Variants in USP24 observed in about 807,000 individuals in gnomAD.
USP24 encodes ubiquitin specific peptidase 24, also known as ubiquitin carboxyl-terminal hydrolase 24.
A neutral mutation model predicts 361.6 loss-of-function variants in USP24; 97 were observed. The ratio of observed to expected loss-of-function variants is 0.27; its 90% CI spans 0.23 to 0.32. USP24 has a LOEUF of 0.32. Ranked by LOEUF, USP24 falls within the 10% of genes least tolerant of loss-of-function variation. The pLI, the probability that USP24 is intolerant of heterozygous loss-of-function variation, is 1.00. For synonymous variants in USP24, 1,098 were observed against 1,124.6 expected (o/e 0.98, Z 0.47); for missense variants, 2,353 against 3,165.6 (o/e 0.74, Z 6.16).
At chr1:55,141,225 A>G (rs1646880127) in intron 24 of USP24, among the ~76,000 whole-genome samples, 1 of 152,256 alleles carries the variant, frequency 6.6e-6, no homozygotes, top group South Asian at 2.1e-4. Flanking sequence ...GAAAAGCTAT[A>G]TCTAAGTAAA....
rs56743989 is a variant in USP24 at position 55,198,042 on chromosome 1, T to C, written c.324+16748A>G. Reference sequence around the variant, plus strand: ...TATAATGAAAAGTGAAGAACAATTATGGTTATCTAAACTGCTCTTAAAAAA... The same window carrying C: ...TATAATGAAAAGTGAAGAACAATTACGGTTATCTAAACTGCTCTTAAAAAA... On this transcript the variant is annotated intron_variant, in intron 1 of 67. Coordinates refer to ENST00000294383, the MANE Select transcript of USP24 (RefSeq NM_015306.3). Among the ~76,000 whole-genome samples the C allele has an allele frequency of 9.2e-3, 1,402 of 152,352 alleles. 17 individuals carry two copies. Among genetic ancestry groups the C allele is most frequent in the African/African-American group, 0.032 (1,344 of 41,584 alleles).
intron 7 of USP24, among the ~76,000 whole-genome samples, chr1:55,163,279 A>G (rs188733461): frequency 6.6e-6 from 1 of 152,156 alleles, no homozygotes; most frequent in African/African-American, 2.4e-5. Flanking sequence ...AAATTTGACT[A>G]CGTAAAAGTC....
Position 55,138,728 on chromosome 1 carries a change from C to A in USP24, c.2818-10G>T, listed in dbSNP as rs199835639. On this transcript the variant is annotated splice_polypyrimidine_tract_variant and intron_variant, in intron 25 of 67. Transcript: ENST00000294383. ...GAACAGAGTAAAAATCCTTAAAAAA[C>A]GAATAAGTCAAGTCAGATGGACAGC... is the stretch of plus-strand genomic sequence containing the variant. 8.8e-6 allele frequency: 14 copies of A among 1,593,268 alleles called. No individual in the cohort carries two copies. The South Asian group carries it at 1.6e-4, about 18-fold the overall frequency.
intron 39 of USP24, among the ~76,000 whole-genome samples, chr1:55,108,779 A>G (rs2100543239): frequency 6.6e-6 from 1 of 152,318 alleles, no homozygotes; most frequent in Admixed American, 6.5e-5. Context: ...TGCAGAGCAG[A>G]AAGCAAAGCC....
chr1:55,131,831 T>A (rs1323447987), intron 31 of USP24, among the ~76,000 whole-genome samples: 1 of 152,226 alleles, frequency 6.6e-6, no homozygotes, highest in Non-Finnish European at 1.5e-5. Context: ...AGTGCCTGGA[T>A]ATAACTTCCT....
intron 1 of USP24, among the ~76,000 whole-genome samples, chr1:55,196,267 C>T (rs1368306322): frequency 6.6e-6 from 1 of 152,150 alleles, no homozygotes; most frequent in Non-Finnish European, 1.5e-5. Context: ...CACTGGAGCA[C>T]CTTCGAGCTC....
chr1:55,185,020 C>G (rs892585944), intron 1 of USP24, among the ~76,000 whole-genome samples: 9 of 151,874 alleles, frequency 5.9e-5, no homozygotes, highest in African/African-American at 2.2e-4. Flanking sequence ...TGCAGTGGCA[C>G]AATCACAGCC....
intron 3 of USP24, among the ~76,000 whole-genome samples, chr1:55,175,547 C>T (rs530654941): frequency 2.6e-5 from 4 of 152,168 alleles, no homozygotes; most frequent in Admixed American, 1.3e-4. Flanking sequence ...TTAAGATAAA[C>T]GCAAACATTA....
intron 1 of USP24, among the ~76,000 whole-genome samples, chr1:55,197,597 A>C (rs1199389692): frequency 1.3e-5 from 2 of 152,216 alleles, no homozygotes; most frequent in Admixed American, 1.3e-4. Flanking sequence ...AACATCAAAT[A>C]CTGAGCTGTA....
At position 55,133,536 on chromosome 1, in the gene USP24, C is replaced by A. The variant is rs182046907; in HGVS notation, c.3381+534G>T. On this transcript the variant is annotated intron_variant, in intron 30 of 67. Coordinates refer to ENST00000294383, the MANE Select transcript of USP24 (RefSeq NM_015306.3). The stretch of plus-strand genomic sequence containing the variant: ...AAGGTAGATGGTACTAAAGGCTCTT[C>A]CAGTTCTGACACCTGATGTCATTAT... Among the ~76,000 whole-genome samples, 89 of 152,104 alleles carry A rather than the reference C, an allele frequency of 5.9e-4. 1 individual carries two copies. Among genetic ancestry groups the A allele is most frequent in the African/African-American group, 2.0e-3 (83 of 41,494 alleles).
At chr1:55,107,514 T>A (rs1645809012) in intron 39 of USP24, 84 bp from the exon 40 acceptor site, 1 of 1,391,736 alleles carries the variant, frequency 7.2e-7, no homozygotes, top group Admixed American at 2.8e-5. Flanking sequence ...GTAAGCAAAG[T>A]CAAGCCCCAA....
At chr1:55,166,015 C>A (rs1648809677) in intron 6 of USP24, 65 bp from the exon 7 acceptor site, 2 of 1,478,550 alleles carry the variant, frequency 1.4e-6, no homozygotes, top group South Asian at 2.5e-5. Flanking sequence ...TGAAAAATTT[C>A]TATTGGTACA....
In USP24 at chr1:55,079,618, G is replaced by T; in HGVS notation, c.7120C>A (p.Pro2374Thr). ...FKQRPPISIAPSSPLLPLHEE... is the reference protein window; with the variant it reads ...FKQRPPISIATSSPLLPLHEE... ...TGGAGGGGCAACAGAGGGCTTGAGGGAGCAATGCTAATGGGTGGTCGTTGC... is the reference window on the plus strand; with the variant it reads ...TGGAGGGGCAACAGAGGGCTTGAGGTAGCAATGCTAATGGGTGGTCGTTGC... The change falls in exon 60 of 68, where the codon CCC (proline) becomes ACC (threonine). Residue 2374 changes from proline to threonine, a missense_variant. Coordinates refer to ENST00000294383, the MANE Select transcript of USP24 (RefSeq NM_015306.3). 1 of 1,549,974 alleles carries T rather than the reference G, an allele frequency of 6.5e-7. No homozygotes were observed. The highest frequency in any genetic ancestry group is 8.6e-7 in the Non-Finnish European group (1 of 1,158,404).
At chr1:55,128,712 CCT>C (rs147056856) in intron 32 of USP24, among the ~76,000 whole-genome samples, 3 of 141,522 alleles carry the variant, frequency 2.1e-5, no homozygotes, top group Non-Finnish European at 4.8e-5. Context: ...TGCTTTAATA[CCT>C]TTTTTTTTTT....
In USP24 at chr1:55,071,914, G is replaced by A. The variant is rs2100385189; in HGVS notation, c.7700C>T (p.Ala2567Val). ...QRTISAQDTL[A>V]YATALLNEKE... ...TTCATTCAACAAAGCTGTGGCATACGCTAACGTGTCCTGCAGAAGATTCAA... is the reference window on the plus strand; with the variant it reads ...TTCATTCAACAAAGCTGTGGCATACACTAACGTGTCCTGCAGAAGATTCAA... Residue 2567 changes from alanine (A) to valine (V), a missense_variant, in exon 67 of 68, where the codon GCG (alanine) becomes GTG (valine). Around this residue, in one of 8 missense-constraint regions of USP24, gnomAD observed 8 missense variants for 32.9 expected, o/e 0.24. Coordinates refer to ENST00000294383, the MANE Select transcript of USP24 (RefSeq NM_015306.3). 5 of 1,609,222 alleles carry A rather than the reference G, an allele frequency of 3.1e-6. No homozygotes were observed. Among genetic ancestry groups the A allele is most frequent in the African/African-American group, 1.3e-5 (1 of 74,994 alleles).
intron 27 of USP24, 30 bp from the exon 28 acceptor site, chr1:55,137,718 A>C (rs886492127): frequency 3.1e-6 from 5 of 1,596,380 alleles, no homozygotes; most frequent in Non-Finnish European, 4.3e-6. Context: ...AATTATTGAG[A>C]GGAAAAGGAA....
At position 55,097,141 on chromosome 1, in the gene USP24, G is replaced by A; in HGVS notation, c.5747C>T (p.Thr1916Ile). 1 of 1,613,960 alleles carries A rather than the reference G, an allele frequency of 6.2e-7. No individual in the cohort carries two copies. Among genetic ancestry groups the A allele is most frequent in the South Asian group, 1.1e-5 (1 of 91,070 alleles). ...ATCTTGGCGAGCCATTCCTGAAACT[G>A]TGTAAGGCTCCATGTTTAGCATCCA... ...FPWMLNMEPY[T>I]VSGMARQDSS... The change falls in exon 49 of 68, where the codon ACA (threonine) becomes ATA (isoleucine). Residue 1916 changes from threonine (T) to isoleucine (I), a missense_variant. Coordinates refer to ENST00000294383, the MANE Select transcript of USP24 (RefSeq NM_015306.3).
At chr1:55,086,067 A>G in intron 55 of USP24, 29 bp from the exon 56 acceptor site, 1 of 1,606,252 alleles carries the variant, frequency 6.2e-7, no homozygotes, top group Non-Finnish European at 8.5e-7. Flanking sequence ...TGGTGTGAAA[A>G]AGCAAGATAC....
chr1:55,110,936 T>C (rs532435608), intron 38 of USP24, among the ~76,000 whole-genome samples: 54 of 152,056 alleles, frequency 3.6e-4, no homozygotes, highest in Admixed American at 3.1e-3. Context: ...CACAAACATA[T>C]AGAAAAGGTT....
Sources: gnomAD v4.1 joint callset for allele counts (sites outside exome capture counted in the v4.1 genomes callset) on GRCh38, gnomAD v4.1.1 for gene constraint, gnomAD v4.1.1 regional missense constraint, MANE v1.5 for transcripts, NCBI Gene and HGNC (gene_info 2026-07-23, HGNC 2026-07-21) for gene names.